Variants in DENND1A observed in about 807,000 individuals in gnomAD.
DENND1A encodes the protein DENN domain containing 1A, also known as DENN domain-containing protein 1A.
In DENND1A, 51 loss-of-function variants were observed where a neutral mutation model predicts 113.7. The ratio of observed to expected loss-of-function variants is 0.45; its 90% confidence interval spans 0.36 to 0.57. DENND1A has a LOEUF of 0.57. DENND1A is among the 20% of genes least tolerant of loss of function. The probability of loss-of-function intolerance (pLI) is 0.00; values close to 1 mark genes in which losing one functional copy is unlikely to be tolerated. For missense variants in DENND1A, 1,258 were observed against 1,395.9 expected (o/e 0.90, Z 1.57); for synonymous variants, 565 against 570.8 (o/e 0.99, Z 0.14).
rs564283158 is a variant in DENND1A at position 123,581,861 on chromosome 9, C to T, written c.867+1308G>A. ...ATAGATCTTCTTGCAGGCAGAGCTACGGAGGCCAAAGCAGAAACAGCAAAA... is the reference window on the plus strand; with the variant it reads ...ATAGATCTTCTTGCAGGCAGAGCTATGGAGGCCAAAGCAGAAACAGCAAAA... On this transcript the variant is annotated intron_variant, in intron 12 of 23. Transcript: ENST00000394215. 4.9e-4 allele frequency among the ~76,000 whole-genome samples: 74 copies of T among 152,226 alleles called. 2 individuals carry two copies. The South Asian group carries it at 0.014, about 29-fold the overall frequency.
At chr9:123,400,207 G>A (rs971116198) in intron 21 of DENND1A, 1 of 152,160 alleles carries the variant, frequency 6.6e-6, no homozygotes, top group African/African-American at 2.4e-5. Flanking sequence ...AATTGCCAAC[G>A]GCCAGTTTTA....
intron 12 of DENND1A, among the ~76,000 whole-genome samples, chr9:123,569,065 T>C (rs567124894): frequency 6.6e-6 from 1 of 152,300 alleles, no homozygotes; most frequent in Admixed American, 6.5e-5. Context: ...TGCAGAGGAT[T>C]ACAAACGAAC....
At position 123,904,738 on chromosome 9, in the gene DENND1A, G is replaced by A. The variant is rs942365550; in HGVS notation, c.17+25151C>T. Among the ~76,000 whole-genome samples, 22 of 151,686 alleles carry A rather than the reference G, an allele frequency of 1.5e-4. 1 individual carries two copies. Among genetic ancestry groups the A allele is most frequent in the Admixed American group, 7.9e-4 (12 of 15,282 alleles). ...AAGACCAAATCTACGCCTGATTGGT[G>A]TACCTGAAAGTGATGGGGAGAATGG... On this transcript the variant is annotated intron_variant, in intron 1 of 23. Coordinates refer to ENST00000394215, the MANE Select transcript of DENND1A (RefSeq NM_001352964.2).
intron 22 of DENND1A, among the ~76,000 whole-genome samples, chr9:123,384,633 G>C (rs1232174487): frequency 1.3e-5 from 2 of 152,156 alleles, no homozygotes; most frequent in African/African-American, 2.4e-5. Flanking sequence ...GCAGCTTTCT[G>C]TACTTTTACA....
intron 5 of DENND1A, among the ~76,000 whole-genome samples, chr9:123,706,817 A>G (rs1481366553): frequency 2.6e-5 from 4 of 150,996 alleles, no homozygotes; most frequent in Non-Finnish European, 5.9e-5. Context: ...GTCAAAAACA[A>G]CTCCAAGGTT....
chr9:123,806,973 A>T (rs1222083978), intron 2 of DENND1A, among the ~76,000 whole-genome samples: 2 of 152,182 alleles, frequency 1.3e-5, no homozygotes, highest in Non-Finnish European at 2.9e-5. Context: ...CTTTTTAAAA[A>T]TTTTTTCAAG....
chr9:123,489,584 T>A (rs761803273), intron 13 of DENND1A, among the ~76,000 whole-genome samples: 8 of 152,256 alleles, frequency 5.3e-5, no homozygotes, highest in Non-Finnish European at 1.0e-4. Context: ...TTGTTTCACA[T>A]AAAAGTCAAG....
At chr9:123,472,537 A>G (rs1202828265) in intron 13 of DENND1A, among the ~76,000 whole-genome samples, 3 of 152,120 alleles carry the variant, frequency 2.0e-5, no homozygotes, top group Admixed American at 6.5e-5. Flanking sequence ...GCTCCTCAGC[A>G]TGTCCGGTAC....
chr9:123,541,131 C>T (rs2056257151), intron 13 of DENND1A, among the ~76,000 whole-genome samples: 1 of 152,186 alleles, frequency 6.6e-6, no homozygotes, highest in Non-Finnish European at 1.5e-5. Flanking sequence ...ATTTTGTTCA[C>T]TGCTGCAATT....
At chr9:123,529,437 T>C (rs1346668259) in intron 13 of DENND1A, among the ~76,000 whole-genome samples, 1 of 152,144 alleles carries the variant, frequency 6.6e-6, no homozygotes, top group African/African-American at 2.4e-5. Flanking sequence ...AAACATTTCA[T>C]CACTTCCCTG....
At chr9:123,720,017 T>C (rs1333631976) in intron 5 of DENND1A, among the ~76,000 whole-genome samples, 5 of 152,228 alleles carry the variant, frequency 3.3e-5, no homozygotes, top group Admixed American at 6.5e-5. Flanking sequence ...CATGCCATGC[T>C]GCCTAAGTAC....
chr9:123,461,155 G>T (rs1213296908), intron 13 of DENND1A, among the ~76,000 whole-genome samples: 1 of 152,066 alleles, frequency 6.6e-6, no homozygotes, highest in Admixed American at 6.6e-5. Flanking sequence ...CATTGCTTTT[G>T]CCAGTTCTAT....
chr9:123,470,574 C>T (rs1257331835), intron 13 of DENND1A, among the ~76,000 whole-genome samples: 1 of 152,176 alleles, frequency 6.6e-6, no homozygotes, highest in Non-Finnish European at 1.5e-5. Context: ...CTATCTGAAA[C>T]GCAATCAGCC....
intron 11 of DENND1A, among the ~76,000 whole-genome samples, chr9:123,588,552 G>A (rs1435109694): frequency 2.7e-5 from 4 of 145,694 alleles, no homozygotes; most frequent in South Asian, 2.2e-4. Flanking sequence ...CCTGGGAGGC[G>A]GAGGTTGCAG....
intron 13 of DENND1A, among the ~76,000 whole-genome samples, chr9:123,499,791 T>C (rs1013340341): frequency 9.9e-5 from 15 of 152,238 alleles, no homozygotes; most frequent in Non-Finnish European, 1.8e-4. Flanking sequence ...GCAACCTCTC[T>C]GCTGGCTGAG....
chr9:123,928,148 A>T (rs1362998259), intron 1 of DENND1A, among the ~76,000 whole-genome samples: 1 of 152,234 alleles, frequency 6.6e-6, no homozygotes, highest in East Asian at 1.9e-4. Context: ...AAGTGCTCAG[A>T]ATTAGCGATG....
chr9:123,539,278 T>C (rs1296889413), intron 13 of DENND1A, among the ~76,000 whole-genome samples: 2 of 121,374 alleles, frequency 1.6e-5, no homozygotes, highest in African/African-American at 6.3e-5. Flanking sequence ...GAACATGGTA[T>C]GCCATCAGCA....
chr9:123,710,729 G>A (rs2066527487), intron 5 of DENND1A, among the ~76,000 whole-genome samples: 1 of 150,112 alleles, frequency 6.7e-6, no homozygotes, highest in Admixed American at 6.6e-5. Context: ...CTGGAGTGCA[G>A]TAGCATGATC....
chr9:123,519,556 G>T (rs1434067609), intron 13 of DENND1A, among the ~76,000 whole-genome samples: 1 of 152,094 alleles, frequency 6.6e-6, no homozygotes, highest in African/African-American at 2.4e-5. Context: ...TTGCGTCTCA[G>T]CCTCCTGAAT....
Sources: allele counts gnomAD v4.1 joint callset (sites outside exome capture counted in the v4.1 genomes callset), GRCh38; gene constraint gnomAD v4.1.1; transcripts MANE v1.5; gene names NCBI Gene and HGNC (gene_info 2026-07-23, HGNC 2026-07-21).